FHIT: variants seen among roughly 807,000 people sequenced by gnomAD.
FHIT encodes the protein bis(5'-adenosyl)-triphosphatase.
FHIT carries 19 observed loss-of-function variants against 17.9 expected under a neutral mutation model. That is an observed-to-expected ratio of 1.06 (90% CI 0.74 to 1.56). FHIT has a LOEUF of 1.56. Ranked by LOEUF, FHIT falls within the 40% of genes most tolerant of loss-of-function variation. FHIT has a pLI of 0.00. For synonymous variants in FHIT, 81 were observed against 69.7 expected (o/e 1.16, Z -0.81); for missense variants, 248 against 189.2 (o/e 1.31, Z -1.82).
At chr3:59,959,439 T>C (rs989489906) in intron 7 of FHIT, among the ~76,000 whole-genome samples, 2 of 152,182 alleles carry the variant, frequency 1.3e-5, no homozygotes, top group African/African-American at 4.8e-5. Context: ...AGCAAGAATA[T>C]TCTGACTTGA....
intron 4 of FHIT, among the ~76,000 whole-genome samples, chr3:60,757,898 C>T (rs1240076659): frequency 2.0e-5 from 3 of 152,180 alleles, no homozygotes; most frequent in Non-Finnish European, 4.4e-5. Context: ...AGCACTTGGA[C>T]GTCCTGCTGG....
intron 1 of FHIT, among the ~76,000 whole-genome samples, chr3:61,208,877 T>C (rs917905468): frequency 6.6e-6 from 1 of 152,066 alleles, no homozygotes; most frequent in South Asian, 2.1e-4. Flanking sequence ...AGCTGGTTAT[T>C]TCGCTCATTA....
intron 5 of FHIT, among the ~76,000 whole-genome samples, chr3:60,048,083 A>G (rs1701723352): frequency 6.6e-6 from 1 of 152,158 alleles, no homozygotes; most frequent in African/African-American, 2.4e-5. Flanking sequence ...CCTTCCTGGT[A>G]TGCCTTTGTG....
At chr3:61,063,449 T>C (rs546259563) in intron 2 of FHIT, among the ~76,000 whole-genome samples, 1 of 152,094 alleles carries the variant, frequency 6.6e-6, no homozygotes, top group South Asian at 2.1e-4. Flanking sequence ...TATACTCCCT[T>C]CTACAGGCAT....
At chr3:61,096,165 A>G (rs2035631577) in intron 2 of FHIT, among the ~76,000 whole-genome samples, 1 of 152,218 alleles carries the variant, frequency 6.6e-6, no homozygotes, top group African/African-American at 2.4e-5. Context: ...TTTGCAAAGA[A>G]ACACCCTAAA....
chr3:60,559,291 C>G (rs1167587447), intron 4 of FHIT, among the ~76,000 whole-genome samples: 2 of 152,090 alleles, frequency 1.3e-5, no homozygotes, highest in Non-Finnish European at 2.9e-5. Flanking sequence ...CTATAAAATT[C>G]AGCACAAAAC....
chr3:60,031,313 G>A (rs976982045), intron 5 of FHIT, among the ~76,000 whole-genome samples: 1 of 152,210 alleles, frequency 6.6e-6, no homozygotes, highest in Non-Finnish European at 1.5e-5. Context: ...AAAGAGATCA[G>A]TATGGCTGAA....
chr3:60,453,910 A>C (rs1200547587), intron 5 of FHIT, among the ~76,000 whole-genome samples: 1 of 152,176 alleles, frequency 6.6e-6, no homozygotes, highest in Admixed American at 6.5e-5. Context: ...GAACAGACAA[A>C]AGTTTCAGGG....
At chr3:60,052,711 CATCTA>C (rs1342693902) in intron 5 of FHIT, among the ~76,000 whole-genome samples, 2 of 150,100 alleles carry the variant, frequency 1.3e-5, no homozygotes, top group African/African-American at 4.9e-5. Flanking sequence ...AGGGGCATCC[CATCTA>C]GGATGGGATG....
At chr3:60,410,093 A>G (rs1702008531) in intron 5 of FHIT, among the ~76,000 whole-genome samples, 1 of 152,222 alleles carries the variant, frequency 6.6e-6, no homozygotes, top group Non-Finnish European at 1.5e-5. Flanking sequence ...AGAACCTGCT[A>G]TTGTTTAACT....
intron 5 of FHIT, among the ~76,000 whole-genome samples, chr3:60,042,993 G>A (rs1701504366): frequency 6.6e-6 from 1 of 152,024 alleles, no homozygotes; most frequent in South Asian, 2.1e-4. Flanking sequence ...GGCAACAGAG[G>A]GAAAAAAACA....
At chr3:60,365,521 A>T (rs549894669) in intron 5 of FHIT, among the ~76,000 whole-genome samples, 2 of 152,330 alleles carry the variant, frequency 1.3e-5, no homozygotes, top group Non-Finnish European at 2.9e-5. Flanking sequence ...TGACTCATTA[A>T]AACAACTTTC....
chr3:61,134,100 T>C (rs28575473), intron 2 of FHIT, among the ~76,000 whole-genome samples: 381 of 134,916 alleles, frequency 2.8e-3, no homozygotes, highest in African/African-American at 3.9e-3. Flanking sequence ...CACACACACA[T>C]ACACACACAC....
Position 59,986,709 on chromosome 3 carries a change from A to AATATATATAAATATATTTATATAAAT in FHIT, c.279+24661_279+24662insATTTATATAAATATATTTATATATAT, listed in dbSNP as rs1480032850. ...ATTTAGTTTTATATATATTTATATA[A>AATATATATAAATATATTTATATAAAT]ATATATACATATATTTATATAAATA... On this transcript the variant is annotated intron_variant, in intron 7 of 9. Coordinates refer to ENST00000492590, the MANE Select transcript of FHIT (RefSeq NM_002012.4). 6.9e-3 allele frequency among the ~76,000 whole-genome samples: 228 copies of AATATATATAAATATATTTATATAAAT among 32,974 alleles called. 47 individuals are homozygous for AATATATATAAATATATTTATATAAAT. Among genetic ancestry groups the AATATATATAAATATATTTATATAAAT allele is most frequent in the African/African-American group, 0.013 (73 of 5,744 alleles). The allele number at this position is 32,974 out of a possible 152,430, so 21.6% of individuals were successfully genotyped here.
chr3:60,507,520 A>T (rs761629079), intron 5 of FHIT, among the ~76,000 whole-genome samples: 27 of 152,228 alleles, frequency 1.8e-4, no homozygotes, highest in Admixed American at 6.5e-5. Context: ...AGCAGCAACA[A>T]CAAAACTTGT....
intron 5 of FHIT, among the ~76,000 whole-genome samples, chr3:60,144,487 T>A (rs1021595748): frequency 3.9e-5 from 6 of 152,216 alleles, no homozygotes; most frequent in African/African-American, 1.4e-4. Context: ...AGGCACCACC[T>A]TGTTTGACAG....
chr3:61,194,654 A>G (rs2038805729), intron 2 of FHIT, among the ~76,000 whole-genome samples: 1 of 152,204 alleles, frequency 6.6e-6, no homozygotes, highest in Non-Finnish European at 1.5e-5. Flanking sequence ...ATTAATGAAG[A>G]TTGAATATAA....
intron 3 of FHIT, among the ~76,000 whole-genome samples, chr3:60,974,379 A>T (rs1710149393): frequency 6.6e-6 from 1 of 152,174 alleles, no homozygotes; most frequent in Non-Finnish European, 1.5e-5. Flanking sequence ...TGAGCATGTG[A>T]TCTACATTAT....
chr3:61,029,605 CA>C (rs1188609968), intron 3 of FHIT, among the ~76,000 whole-genome samples: 2 of 151,992 alleles, frequency 1.3e-5, no homozygotes, highest in African/African-American at 4.8e-5. Flanking sequence ...AACTGTCATA[CA>C]AAAAAACAGC....
Sources: allele counts gnomAD v4.1 joint callset (sites outside exome capture counted in the v4.1 genomes callset), GRCh38; gene constraint gnomAD v4.1.1; transcripts MANE v1.5; gene names NCBI Gene and HGNC (gene_info 2026-07-23, HGNC 2026-07-21).